UNC5D: variants seen among roughly 807,000 people sequenced by gnomAD.
UNC5D encodes the protein unc-5 netrin receptor D, also known as netrin receptor UNC5D.
A neutral mutation model predicts 105.4 loss-of-function variants in UNC5D; 39 were observed. The observed-to-expected ratio is 0.37, with a 90% confidence interval of 0.29 to 0.48. The LOEUF is 0.48. Ranked by LOEUF, UNC5D falls within the 20% of genes least tolerant of loss-of-function variation. The probability of loss-of-function intolerance (pLI) is 0.98; values close to 1 mark genes in which losing one functional copy is unlikely to be tolerated. For missense variants in UNC5D, 991 were observed against 1,202.4 expected, an observed-to-expected ratio of 0.82 and a Z score of 2.60; for synonymous variants, 452 against 450.4, an observed-to-expected ratio of 1.00 and a Z score of -0.04.
chr8:35,246,869 T>C (rs1348750303), intron 1 of UNC5D, among the ~76,000 whole-genome samples: 3 of 152,116 alleles, frequency 2.0e-5, no homozygotes, highest in Admixed American at 6.6e-5. Flanking sequence ...GGCCCTTTAT[T>C]GAACACTGAT....
At chr8:35,567,605 A>G (rs1025389755) in intron 2 of UNC5D, among the ~76,000 whole-genome samples, 5 of 151,996 alleles carry the variant, frequency 3.3e-5, no homozygotes. Context: ...CCTTCCTCAG[A>G]TTTTCAGCCT....
At position 35,235,871 on chromosome 8, in the gene UNC5D, G is replaced by A; in HGVS notation, c.87G>A (p.Gly29=). ...TGGGGCTGTGCTTCTGGGCGGCAGG[G>A]ACCGCGGCTGCCCGAGGTAAGCGCT... ...PWLGLCFWAA[G]TAAARGTDNG... is the part of the protein sequence containing the mutation. Residue 29 remains glycine, a synonymous_variant, in exon 1 of 17, where the codon GGG becomes GGA. Coordinates refer to ENST00000404895, the MANE Select transcript of UNC5D (RefSeq NM_080872.4). 1 of 1,229,254 alleles carries A rather than the reference G, an allele frequency of 8.1e-7. No homozygotes were observed. 76.1% of individuals were successfully genotyped at this position (1,229,254 alleles called of 1,614,324 possible).
At chr8:35,404,534 G>A (rs1448839561) in intron 1 of UNC5D, among the ~76,000 whole-genome samples, 1 of 152,056 alleles carries the variant, frequency 6.6e-6, no homozygotes, top group Non-Finnish European at 1.5e-5. Flanking sequence ...ATATATTCAG[G>A]CCTCACCCTG....
At chr8:35,493,281 CAAAAAAA>C (rs35199794) in intron 1 of UNC5D, among the ~76,000 whole-genome samples, 17 of 67,166 alleles carry the variant, frequency 2.5e-4, no homozygotes, top group Admixed American at 1.6e-3. Context: ...AGTCTGTGAC[CAAAAAAA>C]AAAAAAAAAA....
intron 16 of UNC5D, among the ~76,000 whole-genome samples, chr8:35,776,911 C>T (rs894715755): frequency 3.3e-5 from 5 of 152,078 alleles, no homozygotes; most frequent in African/African-American, 1.2e-4. Context: ...AAGTTCGAGG[C>T]CACAAGTTCA....
At chr8:35,648,451 G>A (rs1488512580) in intron 4 of UNC5D, among the ~76,000 whole-genome samples, 1 of 151,978 alleles carries the variant, frequency 6.6e-6, no homozygotes, top group Non-Finnish European at 1.5e-5. Context: ...GGCCAAGGTG[G>A]GCAGATCACC....
intron 1 of UNC5D, among the ~76,000 whole-genome samples, chr8:35,475,082 G>A (rs970867990): frequency 2.0e-5 from 3 of 152,168 alleles, no homozygotes; most frequent in African/African-American, 7.2e-5. Flanking sequence ...GAGAATAGCA[G>A]TAAATACTCA....
At chr8:35,595,486 T>C (rs1165520737) in intron 3 of UNC5D, 68 bp from the exon 4 acceptor site, 36 of 1,430,358 alleles carry the variant, frequency 2.5e-5, no homozygotes, top group Middle Eastern at 1.8e-4. Flanking sequence ...ACTTTTTTTG[T>C]ACTTGGACCA....
chr8:35,320,139 C>T (rs1469823210), intron 1 of UNC5D, among the ~76,000 whole-genome samples: 1 of 151,810 alleles, frequency 6.6e-6, no homozygotes, highest in Non-Finnish European at 1.5e-5. Flanking sequence ...TTTAGGGAGA[C>T]ATAAGACATC....
chr8:35,767,535 T>C (rs1801826583), intron 15 of UNC5D, among the ~76,000 whole-genome samples: 1 of 152,174 alleles, frequency 6.6e-6, no homozygotes, highest in South Asian at 2.1e-4. Context: ...GGGATGGGAC[T>C]CCCTGTCTTA....
At position 35,759,347 on chromosome 8, in the gene UNC5D, G is replaced by A; in HGVS notation, c.2191G>A (p.Gly731Ser). 1.2e-6 allele frequency: 2 copies of A among 1,613,640 alleles called. No homozygotes were observed. The highest frequency in any genetic ancestry group is 2.2e-5 in the East Asian group (1 of 44,858). Residue 731 changes from glycine to serine, a missense_variant, in exon 14 of 17, where the codon GGT (glycine) becomes AGT (serine). By Grantham distance (56) the Gly-to-Ser change is moderately conservative. This residue lies in a region of UNC5D where 944 missense variants were observed against 1,131.6 expected (regional missense o/e 0.83). Transcript: ENST00000404895. ...QEVVSDERHQ[G>S]GQLLEEPKLL... ...AGTGGTTTCAGATGAAAGGCATCAA[G>A]GTGGACAGCTCCTGGAAGAACCAAA... is the stretch of plus-strand genomic sequence containing the variant.
At chr8:35,590,581 T>A (rs1344386699) in intron 3 of UNC5D, among the ~76,000 whole-genome samples, 2 of 152,218 alleles carry the variant, frequency 1.3e-5, no homozygotes, top group Non-Finnish European at 2.9e-5. Context: ...TTTGCCTGAT[T>A]TATGACAAAG....
chr8:35,500,415 T>G (rs1454378817), intron 1 of UNC5D, among the ~76,000 whole-genome samples: 1 of 152,184 alleles, frequency 6.6e-6, no homozygotes, highest in African/African-American at 2.4e-5. Context: ...ACCCATTAAC[T>G]TTTGGGGGCT....
intron 1 of UNC5D, among the ~76,000 whole-genome samples, chr8:35,413,292 T>TGTGTGTGTGTTGTGTGTG (rs56157732): frequency 1.4e-4 from 18 of 128,040 alleles, no homozygotes; most frequent in African/African-American, 5.2e-4. Context: ...TGTGTGTGTG[T>TGTGTGTGTGTTGTGTGTG]TGTGTGTGTG....
intron 1 of UNC5D, among the ~76,000 whole-genome samples, chr8:35,261,151 C>T (rs1804464960): frequency 6.6e-6 from 1 of 152,166 alleles, no homozygotes; most frequent in Non-Finnish European, 1.5e-5. Context: ...TTTTTTAGTG[C>T]TGCTTCAGAT....
At chr8:35,731,554 G>A (rs1829200225) in intron 11 of UNC5D, among the ~76,000 whole-genome samples, 1 of 151,874 alleles carries the variant, frequency 6.6e-6, no homozygotes, top group African/African-American at 2.4e-5. Flanking sequence ...AAAAACAATT[G>A]CAAAACTACT....
intron 1 of UNC5D, among the ~76,000 whole-genome samples, chr8:35,425,285 T>C (rs565023810): frequency 6.6e-6 from 1 of 152,312 alleles, no homozygotes; most frequent in Admixed American, 6.5e-5. Flanking sequence ...CCAAAATGCA[T>C]GTTACTTATA....
At chr8:35,293,793 C>T (rs954689976) in intron 1 of UNC5D, among the ~76,000 whole-genome samples, 2 of 152,226 alleles carry the variant, frequency 1.3e-5, no homozygotes, top group Admixed American at 6.5e-5. Context: ...ATGATGTCCT[C>T]TCAATTGGGG....
At chr8:35,406,108 G>A (rs1182670641) in intron 1 of UNC5D, among the ~76,000 whole-genome samples, 10 of 152,152 alleles carry the variant, frequency 6.6e-5, no homozygotes, top group African/African-American at 2.4e-4. Flanking sequence ...TTTCAGGCTT[G>A]ATAGTAAAAT....
Sources: allele counts gnomAD v4.1 joint callset (sites outside exome capture counted in the v4.1 genomes callset), GRCh38; gene constraint gnomAD v4.1.1; regional missense constraint gnomAD v4.1.1; transcripts MANE v1.5; gene names NCBI Gene and HGNC (gene_info 2026-07-23, HGNC 2026-07-21).